The following ERG variants were observed in gnomAD, a reference collection of about 807,000 sequenced individuals.
ERG encodes the protein ETS transcription factor ERG, also known as transcriptional regulator ERG.
ERG carries 9 observed loss-of-function variants against 55.3 expected under a neutral mutation model. The observed-to-expected ratio is 0.16, with a 90% CI of 0.10 to 0.28. ERG has a LOEUF of 0.28. Among genes scored for constraint, ERG ranks in the 10% least tolerant of loss-of-function variants. The pLI is 1.00. For synonymous variants in ERG, 223 were observed against 237.3 expected (o/e 0.94, Z 0.55); for missense variants, 434 against 631.6 (o/e 0.69, Z 3.35).
At position 38,381,463 on chromosome 21, in the gene ERG, G is replaced by A; in HGVS notation, c.*1940C>T. On this transcript the variant is annotated 3_prime_UTR_variant, in exon 10 of 10. Coordinates refer to ENST00000288319, the MANE Select transcript of ERG (RefSeq NM_182918.4). ...CAGGCTCAGGGCTAGTGAATCCCAA[G>A]CCACAGTGCCCAGGTAACTCTGATG... 1 of 1,063,126 alleles carries A rather than the reference G, an allele frequency of 9.4e-7. No homozygotes were observed. Among genetic ancestry groups the A allele is most frequent in the Non-Finnish European group, 1.1e-6 (1 of 877,890 alleles). The allele number at this position is 1,063,126 out of a possible 1,614,324, so 65.9% of individuals were successfully genotyped here.
intron 2 of ERG, among the ~76,000 whole-genome samples, chr21:38,571,170 A>T (rs949334402): frequency 6.6e-6 from 1 of 152,196 alleles, no homozygotes; most frequent in African/African-American, 2.4e-5. Context: ...GTATCTTCAT[A>T]CACACCTAAC....
At chr21:38,497,935 T>C (rs193197799) in intron 1 of ERG, among the ~76,000 whole-genome samples, 4 of 152,310 alleles carry the variant, frequency 2.6e-5, no homozygotes, top group East Asian at 3.9e-4. Context: ...GCATCCCTGA[T>C]GCTAAGGAGC....
rs2146411195 is a variant in ERG, at chr21:38,383,541, G to A, written c.1302C>T (p.His434=). The change falls in exon 10 of 10, where the codon CAC becomes CAT. Residue 434 remains histidine (H), a synonymous_variant. Transcript: ENST00000288319. The surrounding 1 kb of genome is among the most constrained non-coding windows in gnomAD (Gnocchi z 5.7). ...AAGATGTCACGGGGAGGGCTGGAGG[G>A]TGGGGCGCCACAAAGTTCATCTTCT... ...HPQKMNFVAP[H]PPALPVTSSS... 6.3e-7 allele frequency: 1 copy of A among 1,583,600 alleles called. No homozygotes were observed. The highest frequency in any genetic ancestry group is 1.2e-5 in the South Asian group (1 of 86,580).
At chr21:38,390,344 C>T (rs1381404181) in intron 9 of ERG, among the ~76,000 whole-genome samples, 1 of 152,170 alleles carries the variant, frequency 6.6e-6, no homozygotes, top group Non-Finnish European at 1.5e-5. Context: ...TTAAAAAATA[C>T]TAGTTATTTT....
At chr21:38,562,879 G>C (rs2059901416) in intron 2 of ERG, among the ~76,000 whole-genome samples, 1 of 152,134 alleles carries the variant, frequency 6.6e-6, no homozygotes, top group Non-Finnish European at 1.5e-5. Context: ...GTGCGTGTTT[G>C]TTCTTATTCC....
intron 2 of ERG, among the ~76,000 whole-genome samples, chr21:38,528,161 C>A (rs1304343024): frequency 6.6e-6 from 1 of 152,212 alleles, no homozygotes; most frequent in Non-Finnish European, 1.5e-5. Context: ...TCCTCATATA[C>A]CTGTCTGTCT....
chr21:38,553,106 T>C (rs923106003), intron 2 of ERG, among the ~76,000 whole-genome samples: 2 of 151,916 alleles, frequency 1.3e-5, no homozygotes, highest in African/African-American at 4.8e-5. Flanking sequence ...ACAAAAAAAA[T>C]ACAATACTTA....
intron 2 of ERG, among the ~76,000 whole-genome samples, chr21:38,528,384 C>A (rs2059645483): frequency 6.7e-6 from 1 of 148,462 alleles, no homozygotes; most frequent in Non-Finnish European, 1.5e-5. Flanking sequence ...TGACACGATT[C>A]AACCCATATT....
At position 38,406,886 on chromosome 21, in the gene ERG, C is replaced by G. The variant is rs1791450994; in HGVS notation, c.389-3177G>C. ...CATCAAGACAAGGGTTATCCTGGCC[C>G]ATTCAGTTTTCCTTTAAGGGAATCA... On this transcript the variant is annotated intron_variant, in intron 3 of 9. Coordinates refer to ENST00000288319, the MANE Select transcript of ERG (RefSeq NM_182918.4). 2.0e-5 allele frequency among the ~76,000 whole-genome samples: 3 copies of G among 152,136 alleles called. No individual in the cohort carries two copies. In the South Asian group the frequency reaches 6.2e-4, roughly 32 times the overall value.
At chr21:38,636,047 GGTGGTACCCTCTTGCT>G (rs76648535) in intron 1 of ERG, among the ~76,000 whole-genome samples, 25,985 of 152,050 alleles carry the variant, frequency 0.17, 2,267 homozygotes, top group East Asian at 0.29. Flanking sequence ...GAATCATGGG[GGTGGTACCCTCTTGCT>G]GTTCTCAAGA....
intron 1 of ERG, among the ~76,000 whole-genome samples, chr21:38,648,435 A>G (rs1365952241): frequency 6.6e-6 from 1 of 152,238 alleles, no homozygotes; most frequent in Non-Finnish European, 1.5e-5. Context: ...GCAAAAAATA[A>G]CTTTGCAACA....
intron 2 of ERG, among the ~76,000 whole-genome samples, chr21:38,535,705 T>C (rs1443038477): frequency 6.6e-6 from 1 of 152,194 alleles, no homozygotes; most frequent in East Asian, 1.9e-4. Context: ...ATATGTTCAC[T>C]GCTGAAAACT....
At chr21:38,606,687 G>A (rs1264642229) in intron 1 of ERG, among the ~76,000 whole-genome samples, 1 of 152,056 alleles carries the variant, frequency 6.6e-6, no homozygotes, top group East Asian at 1.9e-4. Context: ...AACAGACAGA[G>A]CTGAAATAAC....
chr21:38,381,496 A>G lies in ERG; in HGVS notation c.*1907T>C. 1.9e-6 allele frequency: 2 copies of G among 1,063,854 alleles called. No homozygotes were observed. Among genetic ancestry groups the G allele is most frequent in the South Asian group, 9.1e-5 (2 of 21,960 alleles). 65.9% of individuals were successfully genotyped at this position (1,063,854 alleles called of 1,614,324 possible). A position where few individuals can be genotyped will look rare whatever the true frequency, so the allele number is the denominator to read the frequency against. ...GCCCAGGTAACTCTGATGTAGCAGG[A>G]CTAAAGCTGTCTACCTAGTGAGAGC... On this transcript the variant is annotated 3_prime_UTR_variant, in exon 10 of 10. Transcript: ENST00000288319.
Position 38,380,558 on chromosome 21 carries a change from G to A in ERG, c.*2845C>T. The A allele has an allele frequency of 9.4e-7, 1 of 1,065,856 alleles. No individual in the cohort carries two copies. Among genetic ancestry groups the A allele is most frequent in the Non-Finnish European group, 1.1e-6 (1 of 879,634 alleles). The allele number at this position is 1,065,856 out of a possible 1,614,324, so 66.0% of individuals were successfully genotyped here. ...ATACATCAGGGCAAGCCAAGAGACA[G>A]GGACAAACAGAGAGAAAAGGTTCAT... On this transcript the variant is annotated 3_prime_UTR_variant, in exon 10 of 10. Transcript: ENST00000288319.
At chr21:38,637,447 T>G (rs545645211) in intron 1 of ERG, among the ~76,000 whole-genome samples, 151 of 152,300 alleles carry the variant, frequency 9.9e-4, no homozygotes, top group Middle Eastern at 3.4e-3. Context: ...AGTGATCACG[T>G]TGGAATTAGA....
chr21:38,442,023 G>A (rs2058845948), intron 2 of ERG, among the ~76,000 whole-genome samples: 1 of 152,220 alleles, frequency 6.6e-6, no homozygotes, highest in Admixed American at 6.5e-5. Flanking sequence ...GAACAGCATT[G>A]AAAGTTTATG....
intron 1 of ERG, among the ~76,000 whole-genome samples, chr21:38,639,245 C>T (rs1358584587): frequency 6.6e-6 from 1 of 152,080 alleles, no homozygotes; most frequent in Admixed American, 6.5e-5. Context: ...GAATTATTTC[C>T]TAGTGAAGAG....
intron 2 of ERG, among the ~76,000 whole-genome samples, chr21:38,437,279 C>T (rs2058799491): frequency 6.6e-6 from 1 of 151,530 alleles, no homozygotes; most frequent in African/African-American, 2.4e-5. Flanking sequence ...TTTCCTGCAG[C>T]ATTTGTCAAC....
Sources: allele counts gnomAD v4.1 joint callset (sites outside exome capture counted in the v4.1 genomes callset), GRCh38; gene constraint gnomAD v4.1.1; non-coding constraint Gnocchi (gnomAD v3.1); transcripts MANE v1.5; gene names NCBI Gene and HGNC (gene_info 2026-07-23, HGNC 2026-07-21).